Variants in PLCB1 observed in about 807,000 individuals in gnomAD.
PLCB1 encodes phospholipase C beta 1.
PLCB1 carries 46 observed loss-of-function variants against 161.8 expected under a neutral mutation model. The observed-to-expected ratio is 0.28, with a 90% CI of 0.22 to 0.36. The LOEUF is 0.36. Among genes scored for constraint, PLCB1 ranks in the 10% least tolerant of loss-of-function variants. The probability of loss-of-function intolerance (pLI) is 1.00; values close to 1 mark genes in which losing one functional copy is unlikely to be tolerated. For synonymous variants in PLCB1, 517 were observed against 503.7 expected (o/e 1.03, Z -0.35); for missense variants, 1,016 against 1,472.5 (o/e 0.69, Z 5.07).
chr20:8,164,731 T>C (rs1002370468), intron 2 of PLCB1, among the ~76,000 whole-genome samples: 1 of 152,220 alleles, frequency 6.6e-6, no homozygotes, highest in Admixed American at 6.5e-5. Flanking sequence ...AAAGAAGATA[T>C]TGGAGTAGCT....
At chr20:8,312,656 G>C (rs1055993475) in intron 2 of PLCB1, among the ~76,000 whole-genome samples, 1 of 152,146 alleles carries the variant, frequency 6.6e-6, no homozygotes, top group African/African-American at 2.4e-5. Flanking sequence ...ACAAGGCAAA[G>C]CATGTTTATT....
rs5840280 is a variant in PLCB1, at chr20:8,754,393, C to CAA, written c.2524-2639_2524-2638dup. Among the ~76,000 whole-genome samples, 4 of 129,970 alleles carry CAA rather than the reference C, an allele frequency of 3.1e-5. No individual in the cohort carries two copies. The South Asian group carries it at 7.1e-4, about 23-fold the overall frequency. The allele number at this position is 129,970 out of a possible 152,430, so 85.3% of individuals were successfully genotyped here. On this transcript the variant is annotated intron_variant, in intron 23 of 31. Coordinates refer to ENST00000338037, the MANE Select transcript of PLCB1 (RefSeq NM_015192.4). ...ACCTCAAGACACTAATTTTAGTTGC[C>CAA]AAAAAAAAAAAAAAAGCCACCATTA...
chr20:8,188,444 A>G (rs1240008279), intron 2 of PLCB1, among the ~76,000 whole-genome samples: 1 of 150,808 alleles, frequency 6.6e-6, no homozygotes, highest in Non-Finnish European at 1.5e-5. Flanking sequence ...TAGAAAAAAA[A>G]TTGGGGTTGG....
intron 31 of PLCB1, among the ~76,000 whole-genome samples, chr20:8,834,742 G>A (rs2146282651): frequency 6.8e-6 from 1 of 148,026 alleles, no homozygotes; most frequent in South Asian, 2.2e-4. Context: ...TTGAACCTGG[G>A]AGGCAGAGGT....
At chr20:8,876,084 G>T (rs1987770670) in intron 31 of PLCB1, among the ~76,000 whole-genome samples, 1 of 152,070 alleles carries the variant, frequency 6.6e-6, no homozygotes, top group African/African-American at 2.4e-5. Context: ...ACTACCCAGA[G>T]TTCACAAAAA....
At chr20:8,159,134 C>T (rs1387172637) in intron 2 of PLCB1, among the ~76,000 whole-genome samples, 2 of 152,170 alleles carry the variant, frequency 1.3e-5, no homozygotes, top group East Asian at 3.9e-4. Context: ...AGAGCACCAC[C>T]CCAGCAGCAA....
chr20:8,458,251 A>G (rs1244732279), intron 3 of PLCB1, among the ~76,000 whole-genome samples: 1 of 152,190 alleles, frequency 6.6e-6, no homozygotes, highest in African/African-American at 2.4e-5. Flanking sequence ...TTTGGCTTCC[A>G]GCTGGTTGCT....
intron 2 of PLCB1, among the ~76,000 whole-genome samples, chr20:8,162,766 G>A (rs58601699): frequency 0.057 from 8,614 of 152,302 alleles, 290 homozygotes; most frequent in Middle Eastern, 0.13. Flanking sequence ...ATGGGACAGA[G>A]CTAGTTGCTA....
intron 3 of PLCB1, among the ~76,000 whole-genome samples, chr20:8,486,520 G>A (rs529247309): frequency 9.0e-6 from 1 of 110,570 alleles, no homozygotes; most frequent in Non-Finnish European, 1.6e-5. Flanking sequence ...ACGGAGTCTC[G>A]CTCTGTCGCC....
chr20:8,226,692 T>G (rs1305771348), intron 2 of PLCB1, among the ~76,000 whole-genome samples: 8 of 144,322 alleles, frequency 5.5e-5, no homozygotes, highest in Non-Finnish European at 1.2e-4. Flanking sequence ...TAAAACTAAT[T>G]TTTTTTTTTT....
chr20:8,364,140 C>T (rs867511019), intron 2 of PLCB1, among the ~76,000 whole-genome samples: 9 of 151,946 alleles, frequency 5.9e-5, no homozygotes, highest in Admixed American at 2.0e-4. Context: ...TTTTTTGGTT[C>T]GGTATCTTCC....
chr20:8,588,278 A>G (rs901403411), intron 3 of PLCB1, among the ~76,000 whole-genome samples: 1 of 152,212 alleles, frequency 6.6e-6, no homozygotes, highest in East Asian at 1.9e-4. Flanking sequence ...AGAAGGGTAG[A>G]GTAGCTCACC....
At chr20:8,761,979 G>GGGGGA in intron 25 of PLCB1, among the ~76,000 whole-genome samples, 1 of 151,652 alleles carries the variant, frequency 6.6e-6, no homozygotes, top group South Asian at 2.1e-4. Context: ...GAGGCCAAGG[G>GGGGGA]GGGGGCGGAT....
intron 31 of PLCB1, among the ~76,000 whole-genome samples, chr20:8,828,814 A>G (rs1005435138): frequency 3.3e-5 from 5 of 152,168 alleles, no homozygotes; most frequent in African/African-American, 1.2e-4. Context: ...TTAGGAAGAG[A>G]TGAAATGCGT....
intron 3 of PLCB1, among the ~76,000 whole-genome samples, chr20:8,391,982 TA>T (rs1259613926): frequency 1.3e-5 from 2 of 151,746 alleles, no homozygotes; most frequent in Non-Finnish European, 2.9e-5. Flanking sequence ...TCTCTGAAAA[TA>T]TGGAGTATAT....
In PLCB1 at chr20:8,684,021, C is replaced by T. The variant is rs1278316084; in HGVS notation, c.863-911C>T. On this transcript the variant is annotated intron_variant, in intron 9 of 31. Transcript: ENST00000338037. ...GCCTCAGCCTCCCGAGTAGCTGGGA[C>T]TGCAGGCACCCGCCACCACACCCGG... is the stretch of plus-strand genomic sequence containing the variant. 3.4e-5 allele frequency among the ~76,000 whole-genome samples: 5 copies of T among 147,890 alleles called. No individual in the cohort carries two copies. The East Asian group carries it at 1.1e-3, about 31-fold the overall frequency.
At chr20:8,133,250 G>A (rs917545881) in intron 1 of PLCB1, among the ~76,000 whole-genome samples, 1 of 152,166 alleles carries the variant, frequency 6.6e-6, no homozygotes, top group Non-Finnish European at 1.5e-5. Context: ...CCAAGGCGGC[G>A]GAGGACACAA....
At chr20:8,191,765 C>A (rs548217498) in intron 2 of PLCB1, among the ~76,000 whole-genome samples, 1 of 152,018 alleles carries the variant, frequency 6.6e-6, no homozygotes, top group Admixed American at 6.6e-5. Flanking sequence ...CTGGATGATC[C>A]AAATACATAT....
rs999196387 is a variant in PLCB1 at position 8,212,027 on chromosome 20, C to T, written c.177+61656C>T. Among the ~76,000 whole-genome samples, 17 of 152,078 alleles carry T rather than the reference C, an allele frequency of 1.1e-4. No individual in the cohort carries two copies. The South Asian group carries it at 2.7e-3, about 24-fold the overall frequency. On this transcript the variant is annotated intron_variant, in intron 2 of 31. Coordinates refer to ENST00000338037, the MANE Select transcript of PLCB1 (RefSeq NM_015192.4). ...TGAATTATTTTTAGTAATTATGCTC[C>T]GACGTCAGTGAACTTCATTCCAGCC...
Sources: gnomAD v4.1 joint callset for allele counts (sites outside exome capture counted in the v4.1 genomes callset) on GRCh38, gnomAD v4.1.1 for gene constraint, MANE v1.5 for transcripts, NCBI Gene and HGNC (gene_info 2026-07-23, HGNC 2026-07-21) for gene names.